The following CTNNA1 variants were observed in gnomAD, a reference collection of about 807,000 sequenced individuals.
CTNNA1 encodes catenin alpha 1.
CTNNA1 carries 37 observed loss-of-function variants against 98.4 expected under a neutral mutation model. That is an observed-to-expected ratio of 0.38 (90% CI 0.29 to 0.49). The LOEUF (loss-of-function observed/expected upper bound fraction) is 0.49. Ranked by LOEUF, CTNNA1 falls within the 20% of genes least tolerant of loss-of-function variation. CTNNA1 has a pLI of 0.95. For synonymous variants in CTNNA1, 404 were observed against 413.2 expected (o/e 0.98, Z 0.27); for missense variants, 761 against 1,147.2 (o/e 0.66, Z 4.86).
chr5:138,810,220 T>A lies in CTNNA1; in HGVS notation c.468+16T>A. The A allele has an allele frequency of 6.2e-7, 1 of 1,603,662 alleles. No individual in the cohort carries two copies. Among genetic ancestry groups the A allele is most frequent in the South Asian group, 1.1e-5 (1 of 90,870 alleles). The stretch of plus-strand genomic sequence containing the variant: ...GCTGAAAGTTGTAAGTATACAGGCC[T>A]ATGTCTGTAATTTGTTCTATCACAG... On this transcript the variant is annotated intron_variant, in intron 4 of 17. Coordinates refer to ENST00000302763, the MANE Select transcript of CTNNA1 (RefSeq NM_001903.5).
At chr5:138,882,451 A>G (rs369514243) in intron 7 of CTNNA1, among the ~76,000 whole-genome samples, 23 of 152,270 alleles carry the variant, frequency 1.5e-4, no homozygotes, top group African/African-American at 5.5e-4. Flanking sequence ...GAGAAAAGAA[A>G]GCCTTTGTTT....
intron 11 of CTNNA1, among the ~76,000 whole-genome samples, chr5:138,919,967 ATTTTTTTT>A (rs34990349): frequency 0.035 from 2,759 of 79,544 alleles, 43 homozygotes; most frequent in Non-Finnish European, 0.046. Flanking sequence ...AGCTTTGGCA[ATTTTTTTT>A]TTTTTTTTTT....
intron 7 of CTNNA1, among the ~76,000 whole-genome samples, chr5:138,848,491 C>T (rs960304102): frequency 6.6e-6 from 1 of 152,140 alleles, no homozygotes; most frequent in African/African-American, 2.4e-5. Context: ...TCTCTCTCTG[C>T]TCCCCCTTTT....
At chr5:138,813,491 A>C (rs567302480) in intron 5 of CTNNA1, among the ~76,000 whole-genome samples, 20 of 152,302 alleles carry the variant, frequency 1.3e-4, no homozygotes, top group African/African-American at 4.6e-4. Context: ...GGACAGAAAC[A>C]CCCGACAAAA....
Position 138,783,261 on chromosome 5 carries a change from T to G in CTNNA1, c.190T>G (p.Ser64Ala), listed in dbSNP as rs867244371. The G allele has an allele frequency of 2.5e-6, 4 of 1,614,174 alleles. No individual in the cohort carries two copies. In the Middle Eastern group the frequency reaches 6.6e-4, roughly 266 times the overall value. ...RSKKAHVLAA[S>A]VEQATENFLE... ...TAAGAAGGCCCATGTTTTGGCTGCA[T>G]CTGTTGAACAAGCAACTGAGAATTT... Residue 64 changes from serine (S) to alanine (A), a missense_variant, in exon 3 of 18, where the codon TCT becomes GCT. Transcript: ENST00000302763.
At chr5:138,837,793 T>A (rs1189769434) in intron 7 of CTNNA1, among the ~76,000 whole-genome samples, 2 of 151,080 alleles carry the variant, frequency 1.3e-5, no homozygotes, top group African/African-American at 4.9e-5. Flanking sequence ...GACTAATTTT[T>A]TGTATTTTTT....
intron 9 of CTNNA1, among the ~76,000 whole-genome samples, chr5:138,888,483 C>T (rs546421930): frequency 1.1e-4 from 16 of 152,174 alleles, no homozygotes; most frequent in African/African-American, 3.9e-4. Flanking sequence ...GAAAACGGGA[C>T]CTTATGTAAA....
chr5:138,779,503 T>C (rs534355182), intron 1 of CTNNA1, among the ~76,000 whole-genome samples: 3 of 152,148 alleles, frequency 2.0e-5, no homozygotes, highest in African/African-American at 4.8e-5. Flanking sequence ...CCTGGAACTT[T>C]GGTTTCTATT....
intron 16 of CTNNA1, chr5:138,931,916 C>T: frequency 1.0e-6 from 1 of 985,498 alleles, no homozygotes; most frequent in Non-Finnish European, 1.2e-6. Context: ...CTGTGTTTCT[C>T]CCTTTGGGTA....
At chr5:138,829,774 G>A (rs1461684724) in intron 7 of CTNNA1, among the ~76,000 whole-genome samples, 1 of 152,126 alleles carries the variant, frequency 6.6e-6, no homozygotes, top group Non-Finnish European at 1.5e-5. Flanking sequence ...AATCTTGGCC[G>A]GGCACGGTGG....
chr5:138,894,802 C>A (rs896463201), intron 9 of CTNNA1, among the ~76,000 whole-genome samples: 2 of 152,316 alleles, frequency 1.3e-5, no homozygotes, highest in African/African-American at 4.8e-5. Context: ...CTGCCTACAA[C>A]TGCCTTTCGT....
Position 138,874,018 on chromosome 5 carries a change from A to T in CTNNA1, c.1063-12194A>T. 6.2e-7 allele frequency: 1 copy of T among 1,614,022 alleles called. No homozygotes were observed. The highest frequency in any genetic ancestry group is 8.5e-7 in the Non-Finnish European group (1 of 1,179,888). Reference sequence around the variant, plus strand: ...TGCTCAAATCCAGAAACTCCAGACTACGACAGTCCCAGAACAGGCGTACTG... The same window carrying T: ...TGCTCAAATCCAGAAACTCCAGACTTCGACAGTCCCAGAACAGGCGTACTG... On this transcript the variant is annotated intron_variant, in intron 7 of 17. Coordinates refer to ENST00000302763, the MANE Select transcript of CTNNA1 (RefSeq NM_001903.5). The surrounding 1 kb of genome is among the most constrained non-coding windows in gnomAD (Gnocchi z 4.1).
At chr5:138,850,662 TTAC>T (rs1763107093) in intron 7 of CTNNA1, among the ~76,000 whole-genome samples, 2 of 152,212 alleles carry the variant, frequency 1.3e-5, no homozygotes, top group South Asian at 4.1e-4. Flanking sequence ...TTTGAAGGTT[TTAC>T]TATTTCACTG....
chr5:138,845,721 G>A (rs1037513368), intron 7 of CTNNA1, among the ~76,000 whole-genome samples: 18 of 152,128 alleles, frequency 1.2e-4, no homozygotes, highest in East Asian at 1.9e-4. Context: ...GGCATAAGGA[G>A]CAAATTTAGA....
chr5:138,801,212 A>T (rs1757541433), intron 3 of CTNNA1, among the ~76,000 whole-genome samples: 1 of 152,186 alleles, frequency 6.6e-6, no homozygotes, highest in Non-Finnish European at 1.5e-5. Flanking sequence ...TGTGTACTAC[A>T]ATTAATTTTA....
intron 7 of CTNNA1, among the ~76,000 whole-genome samples, chr5:138,865,096 G>A (rs141986321): frequency 3.9e-5 from 6 of 152,324 alleles, no homozygotes; most frequent in African/African-American, 1.2e-4. Flanking sequence ...ACAGGCGTGA[G>A]CCACCGCTCC....
chr5:138,831,881 A>T (rs530371071), intron 7 of CTNNA1, among the ~76,000 whole-genome samples: 64 of 152,348 alleles, frequency 4.2e-4, no homozygotes, highest in Non-Finnish European at 7.5e-4. Context: ...AATGAATAAA[A>T]TGAATAATTT....
At chr5:138,779,623 C>A (rs1332751920) in intron 1 of CTNNA1, among the ~76,000 whole-genome samples, 1 of 151,970 alleles carries the variant, frequency 6.6e-6, no homozygotes, top group Non-Finnish European at 1.5e-5. Flanking sequence ...CTGCCTTGGC[C>A]TTCCAAAGTG....
intron 7 of CTNNA1, chr5:138,828,187 A>G (rs192052436): frequency 1.7e-4 from 28 of 161,542 alleles, no homozygotes; most frequent in African/African-American, 6.2e-4. Flanking sequence ...ATTTTGGGCA[A>G]AAGGGAATGT....
Sources: gnomAD v4.1 joint callset for allele counts (sites outside exome capture counted in the v4.1 genomes callset) on GRCh38, gnomAD v4.1.1 for gene constraint, Gnocchi (gnomAD v3.1) non-coding constraint, MANE v1.5 for transcripts, NCBI Gene and HGNC (gene_info 2026-07-23, HGNC 2026-07-21) for gene names.